Variants in RFX4 observed in about 807,000 individuals in gnomAD.
The protein encoded by RFX4 is transcription factor RFX4.
RFX4 carries 10 observed loss-of-function variants against 95.0 expected under a neutral mutation model. That is an observed-to-expected ratio of 0.11 (90% CI 0.06 to 0.18). The LOEUF (loss-of-function observed/expected upper bound fraction) is 0.18. RFX4 is among the 10% of genes least tolerant of loss of function. The pLI is 1.00. For missense variants in RFX4, 640 were observed against 922.0 expected (o/e 0.69, Z 3.96); for synonymous variants, 321 against 340.7 (o/e 0.94, Z 0.64).
intron 7 of RFX4, among the ~76,000 whole-genome samples, chr12:106,690,931 ACTCT>A (rs1177405772): frequency 1.3e-5 from 2 of 151,882 alleles, no homozygotes; most frequent in East Asian, 3.9e-4. Flanking sequence ...CTCAAAACTC[ACTCT>A]CATTTCATTT....
At position 106,719,965 on chromosome 12, in the gene RFX4, C is replaced by G; in HGVS notation, c.1144C>G (p.Gln382Glu). ...GGTTCTCCTTTGTTTGACAGTATAT[C>G]AGGAGTTTGACCATCTCTTGGAGGA... ...EHRKLITQLY[Q>E]EFDHLLEEQS... The change falls in exon 12 of 18, where the codon CAG becomes GAG. Residue 382 changes from glutamine (Q) to glutamate (E), a missense_variant. Gln to Glu is a conservative substitution (Grantham distance 29). Around this residue, in one of 7 missense-constraint regions of RFX4, gnomAD observed 72 missense variants for 80.5 expected, o/e 0.89. Coordinates refer to ENST00000392842, the MANE Select transcript of RFX4 (RefSeq NM_213594.3). The G allele has an allele frequency of 1.2e-6, 2 of 1,613,720 alleles. No homozygotes were observed. Among genetic ancestry groups the G allele is most frequent in the Non-Finnish European group, 1.7e-6 (2 of 1,179,630 alleles).
intron 1 of RFX4, among the ~76,000 whole-genome samples, chr12:106,602,633 G>A (rs1276035257): frequency 6.6e-6 from 1 of 152,156 alleles, no homozygotes; most frequent in African/African-American, 2.4e-5. Flanking sequence ...AGTCAAGCAT[G>A]ATCTTTCCTG....
chr12:106,597,111 C>T (rs2039631220), intron 1 of RFX4, among the ~76,000 whole-genome samples: 1 of 152,210 alleles, frequency 6.6e-6, no homozygotes, highest in South Asian at 2.1e-4. Context: ...CTGTCCTTTC[C>T]TCCACTTCTA....
intron 1 of RFX4, among the ~76,000 whole-genome samples, chr12:106,602,563 C>T (rs1472013898): frequency 1.3e-5 from 2 of 152,176 alleles, no homozygotes; most frequent in Non-Finnish European, 2.9e-5. Flanking sequence ...TCATGTTGCA[C>T]CACCTCCCCG....
At chr12:106,744,795 G>A (rs2042863674) in intron 15 of RFX4, among the ~76,000 whole-genome samples, 3 of 152,278 alleles carry the variant, frequency 2.0e-5, no homozygotes, top group Admixed American at 6.5e-5. Flanking sequence ...GGGACCTTGC[G>A]CAAGTTATTT....
At chr12:106,687,143 C>T (rs1475770202) in intron 6 of RFX4, 46 bp downstream of exon 6, 1 of 1,471,532 alleles carries the variant, frequency 6.8e-7, no homozygotes. Flanking sequence ...GTTTCTCTCT[C>T]TTTCTCTCTC....
At chr12:106,755,723 A>AG (rs2043096670) in intron 17 of RFX4, among the ~76,000 whole-genome samples, 1 of 152,234 alleles carries the variant, frequency 6.6e-6, no homozygotes, top group Non-Finnish European at 1.5e-5. Flanking sequence ...TTTCCAGAGC[A>AG]GGGGTCAAGC....
chr12:106,694,967 G>A (rs1327408005), intron 7 of RFX4, among the ~76,000 whole-genome samples: 1 of 152,014 alleles, frequency 6.6e-6, no homozygotes, highest in East Asian at 1.9e-4. Context: ...AACCCAGGAG[G>A]CGGAGGTTGC....
chr12:106,670,486 C>CTGTT (rs1476268829), intron 4 of RFX4, among the ~76,000 whole-genome samples: 1 of 152,210 alleles, frequency 6.6e-6, no homozygotes, highest in Non-Finnish European at 1.5e-5. Context: ...AACAGATTCA[C>CTGTT]TGTTACCTTT....
chr12:106,686,506 T>A (rs2041652989), intron 5 of RFX4, among the ~76,000 whole-genome samples: 1 of 151,838 alleles, frequency 6.6e-6, no homozygotes, highest in African/African-American at 2.4e-5. Context: ...CACAAACATA[T>A]CCTGCTTGGG....
At chr12:106,728,632 CCT>C (rs1008203567) in intron 13 of RFX4, among the ~76,000 whole-genome samples, 3 of 152,114 alleles carry the variant, frequency 2.0e-5, no homozygotes, top group Non-Finnish European at 4.4e-5. Flanking sequence ...GCTGTAACTG[CCT>C]CTCTCCTCTT....
intron 5 of RFX4, among the ~76,000 whole-genome samples, chr12:106,685,968 T>A (rs910598571): frequency 2.6e-5 from 4 of 152,242 alleles, no homozygotes; most frequent in African/African-American, 9.6e-5. Context: ...CAATCCCTTG[T>A]TAGTCTTAAT....
intron 8 of RFX4, among the ~76,000 whole-genome samples, chr12:106,697,693 C>T (rs1169668802): frequency 3.9e-5 from 6 of 152,022 alleles, no homozygotes; most frequent in African/African-American, 7.3e-5. Flanking sequence ...GGCTTGCAGA[C>T]GCATCACTCT....
chr12:106,660,095 C>T (rs1479494033), intron 4 of RFX4, among the ~76,000 whole-genome samples: 3 of 151,970 alleles, frequency 2.0e-5, no homozygotes, highest in Admixed American at 6.6e-5. Context: ...CCTCAGCACC[C>T]GGGTTCATCC....
chr12:106,711,367 C>A, intron 9 of RFX4, 86 bp from the exon 10 acceptor site: 2 of 1,235,238 alleles, frequency 1.6e-6, no homozygotes, highest in Non-Finnish European at 1.2e-6. Flanking sequence ...AATAAGCAGG[C>A]TACTTTTTGA....
At chr12:106,747,672 C>G (rs2042920200) in intron 16 of RFX4, 73 bp downstream of exon 16, 1 of 1,523,052 alleles carries the variant, frequency 6.6e-7, no homozygotes, top group Non-Finnish European at 8.9e-7. Context: ...GCAGCTCACA[C>G]CCTGTAATCC....
At chr12:106,699,167 T>C (rs1314735407) in intron 8 of RFX4, among the ~76,000 whole-genome samples, 1 of 152,260 alleles carries the variant, frequency 6.6e-6, no homozygotes, top group East Asian at 1.9e-4. Context: ...CTTTGATCTA[T>C]GGGGTATTTA....
At chr12:106,732,063 G>C in intron 13 of RFX4, 67 bp from the exon 14 acceptor site, 1 of 1,587,616 alleles carries the variant, frequency 6.3e-7, no homozygotes, top group Non-Finnish European at 8.6e-7. Context: ...TTGTGCAGTT[G>C]ACCAGACAGA....
At chr12:106,695,838 C>T (rs915115188) in intron 7 of RFX4, among the ~76,000 whole-genome samples, 10 of 152,204 alleles carry the variant, frequency 6.6e-5, no homozygotes, top group East Asian at 1.9e-4. Flanking sequence ...CTTTTACCCG[C>T]GACTCCCATA....
Sources: allele counts gnomAD v4.1 joint callset (sites outside exome capture counted in the v4.1 genomes callset), GRCh38; gene constraint gnomAD v4.1.1; regional missense constraint gnomAD v4.1.1; transcripts MANE v1.5; gene names NCBI Gene and HGNC (gene_info 2026-07-23, HGNC 2026-07-21).